The following SMYD1 variants were observed in gnomAD, a reference collection of about 807,000 sequenced individuals.
SMYD1 encodes SET and MYND domain containing 1, also known as histone-lysine N-methyltransferase SMYD1.
SMYD1 carries 49 observed loss-of-function variants against 54.0 expected under a neutral mutation model. The observed-to-expected ratio is 0.91, with a 90% CI of 0.72 to 1.15. SMYD1 has a LOEUF of 1.15. Ranked by LOEUF, SMYD1 falls within the 50% of genes most tolerant of loss-of-function variation. SMYD1 has a pLI of 0.00. For synonymous variants in SMYD1, 269 were observed against 234.2 expected (o/e 1.15, Z -1.36); for missense variants, 653 against 639.6 (o/e 1.02, Z -0.23).
chr2:88,072,894 G>C (rs1673980131), intron 1 of SMYD1, among the ~76,000 whole-genome samples: 1 of 152,096 alleles, frequency 6.6e-6, no homozygotes, highest in African/African-American at 2.4e-5. Flanking sequence ...AATTTAATTA[G>C]ATGCCATATA....
intron 8 of SMYD1, among the ~76,000 whole-genome samples, chr2:88,106,926 C>A (rs538619385): frequency 1.8e-3 from 272 of 152,236 alleles, no homozygotes; most frequent in Non-Finnish European, 3.2e-3. Flanking sequence ...TCTGGCCAGG[C>A]GCGGTGGCTC....
At chr2:88,089,815 C>G (rs1674424063) in intron 3 of SMYD1, among the ~76,000 whole-genome samples, 1 of 151,664 alleles carries the variant, frequency 6.6e-6, no homozygotes, top group Non-Finnish European at 1.5e-5. Flanking sequence ...TGATCTCAAA[C>G]TCCTGAGCTC....
intron 7 of SMYD1, among the ~76,000 whole-genome samples, chr2:88,103,597 A>G (rs1162349241): frequency 2.0e-5 from 3 of 152,164 alleles, no homozygotes; most frequent in East Asian, 3.9e-4. Flanking sequence ...AGCTGGCTCT[A>G]CACTAGAATC....
chr2:88,097,035 G>A (rs1214369545), intron 6 of SMYD1, among the ~76,000 whole-genome samples: 2 of 152,282 alleles, frequency 1.3e-5, no homozygotes, highest in East Asian at 3.9e-4. Flanking sequence ...AGGAATGATG[G>A]CCCCACTGCA....
chr2:88,103,246 G>A, intron 7 of SMYD1, 96 bp downstream of exon 7: 7 of 883,108 alleles, frequency 7.9e-6, no homozygotes, highest in Admixed American at 2.1e-5. Context: ...GGCGGCGGGG[G>A]AGGGGGGCTA....
chr2:88,076,693 G>A (rs1674073941), intron 1 of SMYD1, among the ~76,000 whole-genome samples: 1 of 152,148 alleles, frequency 6.6e-6, no homozygotes, highest in Admixed American at 6.5e-5. Context: ...GGTACTTGAG[G>A]GATGGGATGT....
chr2:88,087,986 C>T lies in SMYD1; in HGVS notation c.439C>T (p.Leu147=). The T allele has an allele frequency of 6.2e-7, 1 of 1,614,178 alleles. No individual in the cohort carries two copies. The highest frequency in any genetic ancestry group is 8.5e-7 in the Non-Finnish European group (1 of 1,180,032). Residue 147 remains leucine (L), a synonymous_variant, in exon 3 of 10, where the codon CTG becomes TTG. Coordinates refer to ENST00000419482, the MANE Select transcript of SMYD1 (RefSeq NM_198274.4). ...EHFGEEEQKD[L]RVDVDTFLQY... is the part of the protein sequence containing the mutation. ...CTTTGGGGAGGAGGAGCAGAAGGAC[C>T]TGCGGGTGGACGTGGACACATTCTT...
chr2:88,087,873 G>A lies in SMYD1; in HGVS notation c.326G>A (p.Arg109His), dbSNP rs202165968. 9.0e-5 allele frequency: 143 copies of A among 1,588,496 alleles called. No individual in the cohort carries two copies. The East Asian group carries it at 2.7e-3, about 30-fold the overall frequency. Reference sequence around the variant, plus strand: ...TGCCCTTCCCACAGGCTGGCGGCGCGCATCATGTGGCGGGTGGAGAGAGAA... The same window carrying A: ...TGCCCTTCCCACAGGCTGGCGGCGCACATCATGTGGCGGGTGGAGAGAGAA... ...VPNENIRLAA[R>H]IMWRVEREGT... is the part of the protein sequence containing the mutation. Residue 109 changes from arginine to histidine, a missense_variant, in exon 3 of 10, where the codon CGC (arginine) becomes CAC (histidine). Arg to His is a conservative substitution (Grantham distance 29, BLOSUM62 0). Coordinates refer to ENST00000419482, the MANE Select transcript of SMYD1 (RefSeq NM_198274.4).
intron 5 of SMYD1, 93 bp from the exon 6 acceptor site, chr2:88,096,502 C>T: frequency 8.8e-7 from 1 of 1,137,556 alleles, no homozygotes; most frequent in Non-Finnish European, 1.3e-6. Context: ...AAGTCATTGT[C>T]TTTGAGACCC....
In SMYD1 at chr2:88,084,183, A is replaced by G. The variant is rs894908076; in HGVS notation, c.138-133A>G. ...TGGAGGCTCAAACTCCTCATTTTGG[A>G]AGGTGGAAATCTGAAGTTTAGATAA... On this transcript the variant is annotated intron_variant, in intron 1 of 9. Transcript: ENST00000419482. 1.2e-5 allele frequency: 8 copies of G among 674,292 alleles called. No individual in the cohort carries two copies. In the Admixed American group the frequency reaches 1.3e-4, roughly 11 times the overall value. 41.8% of individuals were successfully genotyped at this position (674,292 alleles called of 1,614,324 possible). A position where few individuals can be genotyped will look rare whatever the true frequency, so the allele number is the denominator to read the frequency against.
rs147699593 is a variant in SMYD1 at position 88,084,552 on chromosome 2, C to T, written c.314+60C>T. ...TCCAAATGTCAGGCTGGAATGGTGGCAGTAACAACATTCCCAGATCTAAGG... is the reference window on the plus strand; with the variant it reads ...TCCAAATGTCAGGCTGGAATGGTGGTAGTAACAACATTCCCAGATCTAAGG... On this transcript the variant is annotated intron_variant, in intron 2 of 9. Coordinates refer to ENST00000419482, the MANE Select transcript of SMYD1 (RefSeq NM_198274.4). 65 of 1,466,922 alleles carry T rather than the reference C, an allele frequency of 4.4e-5. No homozygotes were observed. In the African/African-American group the frequency reaches 7.3e-4, roughly 16 times the overall value. The allele number at this position is 1,466,922 out of a possible 1,614,324, so 90.9% of individuals were successfully genotyped here. A position where few individuals can be genotyped will look rare whatever the true frequency, so the allele number is the denominator to read the frequency against.
chr2:88,068,090 AG>A, intron 1 of SMYD1, 89 bp downstream of exon 1: 1 of 1,488,276 alleles, frequency 6.7e-7, no homozygotes, highest in Non-Finnish European at 9.0e-7. Flanking sequence ...CATCAGGGGA[AG>A]GGATAAAATT....
chr2:88,071,264 A>G (rs2970929), intron 1 of SMYD1, among the ~76,000 whole-genome samples: 137,878 of 152,252 alleles, frequency 0.91, 62,629 homozygotes, highest in East Asian at 1. Flanking sequence ...CAGAAGTGTA[A>G]TTACTAGGCC....
Position 88,087,853 on chromosome 2 carries a change from T to TGCGTGTAGA in SMYD1, c.315-9_315-8insGCGTGTAGA. 6.4e-7 allele frequency: 1 copy of TGCGTGTAGA among 1,558,870 alleles called. No individual in the cohort carries two copies. The highest frequency in any genetic ancestry group is 8.7e-7 in the Non-Finnish European group (1 of 1,151,726). On this transcript the variant is annotated splice_polypyrimidine_tract_variant and intron_variant, in intron 2 of 9. Transcript: ENST00000419482. ...CTGTAGTGGCCTCCTGACGCTGCCC[T>TGCGTGTAGA]TCCCACAGGCTGGCGGCGCGCATCA...
Position 88,108,416 on chromosome 2 carries a change from G to A in SMYD1, c.1191G>A (p.Met397Ile). ...ATGCCCAACTGGGCATGGCCGTGAT[G>A]CGGGCAGGGCTGACCAACTGGCATG... The part of the protein sequence containing the change: ...PNNAQLGMAV[M>I]RAGLTNWHAG... Residue 397 changes from methionine (M) to isoleucine (I), a missense_variant, in exon 9 of 10, where the codon ATG becomes ATA. By Grantham distance (10) the Met-to-Ile change is conservative. Coordinates refer to ENST00000419482, the MANE Select transcript of SMYD1 (RefSeq NM_198274.4). 4 of 1,609,652 alleles carry A rather than the reference G, an allele frequency of 2.5e-6. No homozygotes were observed. Among genetic ancestry groups the A allele is most frequent in the South Asian group, 1.1e-5 (1 of 90,094 alleles).
chr2:88,088,088 C>A lies in SMYD1; in HGVS notation c.528+13C>A, dbSNP rs375712800. ...CATCTTCGGAGTGGTAGGCCCCCTG[C>A]GTCCCTTCTCCATCCTCCCTGTCTG... On this transcript the variant is annotated intron_variant, in intron 3 of 9. Coordinates refer to ENST00000419482, the MANE Select transcript of SMYD1 (RefSeq NM_198274.4). 6 of 1,600,214 alleles carry A rather than the reference C, an allele frequency of 3.7e-6. No homozygotes were observed. The highest frequency in any genetic ancestry group is 5.1e-6 in the Non-Finnish European group (6 of 1,171,958).
intron 1 of SMYD1, among the ~76,000 whole-genome samples, chr2:88,071,492 G>A (rs548716519): frequency 1.0e-3 from 152 of 152,262 alleles, no homozygotes; most frequent in African/African-American, 3.6e-3. Context: ...CAAGAATAAA[G>A]CTGGGAAAAT....
chr2:88,069,747 G>A (rs1673906221), intron 1 of SMYD1, among the ~76,000 whole-genome samples: 1 of 152,142 alleles, frequency 6.6e-6, no homozygotes, highest in African/African-American at 2.4e-5. Context: ...TTAACATGTT[G>A]GGTATCTATT....
At chr2:88,074,580 A>G (rs896600748) in intron 1 of SMYD1, among the ~76,000 whole-genome samples, 1 of 152,202 alleles carries the variant, frequency 6.6e-6, no homozygotes, top group Non-Finnish European at 1.5e-5. Context: ...GTCTACCCCA[A>G]CGAAAAAGAA....
Sources: allele counts gnomAD v4.1 joint callset (sites outside exome capture counted in the v4.1 genomes callset), GRCh38; gene constraint gnomAD v4.1.1; transcripts MANE v1.5; gene names NCBI Gene and HGNC (gene_info 2026-07-23, HGNC 2026-07-21).